TENM2: variants seen among roughly 807,000 people sequenced by gnomAD.
TENM2 encodes the protein teneurin-2.
In TENM2, 52 loss-of-function variants were observed where a neutral mutation model predicts 245.2. That is an observed-to-expected ratio of 0.21 (90% CI 0.17 to 0.27). The LOEUF (loss-of-function observed/expected upper bound fraction) is 0.27. Ranked by LOEUF, TENM2 falls within the 10% of genes least tolerant of loss-of-function variation. The probability of loss-of-function intolerance (pLI) is 1.00; values close to 1 mark genes in which losing one functional copy is unlikely to be tolerated. For synonymous variants in TENM2, 1,363 were observed against 1,438.9 expected (o/e 0.95, Z 1.19); for missense variants, 3,046 against 3,666.8 (o/e 0.83, Z 4.37).
At chr5:167,735,877 T>C (rs1760761287) in intron 2 of TENM2, among the ~76,000 whole-genome samples, 1 of 152,170 alleles carries the variant, frequency 6.6e-6, no homozygotes, top group African/African-American at 2.4e-5. Flanking sequence ...CCAGCCATGA[T>C]TCACTGTACA....
At chr5:167,321,686 A>G (rs1038440167) in intron 1 of TENM2, among the ~76,000 whole-genome samples, 13 of 150,768 alleles carry the variant, frequency 8.6e-5, no homozygotes, top group Admixed American at 8.6e-4. Flanking sequence ...TTCTCTGTAT[A>G]TGAGCTCTAG....
chr5:167,176,010 G>A, the TENM2 span, among the ~76,000 whole-genome samples: 1 of 152,122 alleles, frequency 6.6e-6, no homozygotes, highest in South Asian at 2.1e-4. Context: ...ATGCCCAGCT[G>A]TATCTGTGGT....
chr5:167,799,449 G>A lies in TENM2; in HGVS notation c.503-76537G>A, dbSNP rs1057214796. On this transcript the variant is annotated intron_variant, in intron 2 of 28. Transcript: ENST00000518659. ...TTATGGCAGATACTTTTACTTTTCT[G>A]GTGATGACATAAATGTCTTTTAAAA... is the stretch of plus-strand genomic sequence containing the variant. Among the ~76,000 whole-genome samples, 3 of 152,218 alleles carry A rather than the reference G, an allele frequency of 2.0e-5. No individual in the cohort carries two copies. The East Asian group carries it at 5.8e-4, about 29-fold the overall frequency.
At chr5:168,054,257 G>T (rs754978792) in intron 6 of TENM2, among the ~76,000 whole-genome samples, 1 of 152,180 alleles carries the variant, frequency 6.6e-6, no homozygotes, top group Non-Finnish European at 1.5e-5. Flanking sequence ...GGATGTAATT[G>T]CATTCCTAAA....
intron 2 of TENM2, among the ~76,000 whole-genome samples, chr5:167,872,541 AAAGAAAGAGAAAGAAAGAAAGAAAG>A (rs1773044105): frequency 1.9e-5 from 1 of 52,666 alleles, no homozygotes; most frequent in Admixed American, 1.6e-4. Flanking sequence ...AGAAAGAAAG[AAAGAAAGAGAAAGAAAGAAAGAAAG>A]AAAGAAAGAA....
intron 4 of TENM2, among the ~76,000 whole-genome samples, chr5:167,980,485 G>A (rs1782753809): frequency 6.6e-6 from 1 of 152,136 alleles, no homozygotes; most frequent in Non-Finnish European, 1.5e-5. Context: ...ACCTGGACAT[G>A]GGGAGGAGCT....
intron 2 of TENM2, among the ~76,000 whole-genome samples, chr5:167,574,722 A>G (rs1433505903): frequency 1.3e-5 from 2 of 151,986 alleles, no homozygotes; most frequent in Non-Finnish European, 2.9e-5. Flanking sequence ...TGTTTGATAA[A>G]CCTTTCTGGA....
intron 1 of TENM2, among the ~76,000 whole-genome samples, chr5:167,373,963 C>T (rs1277325225): frequency 6.6e-6 from 1 of 152,134 alleles, no homozygotes; most frequent in Non-Finnish European, 1.5e-5. Context: ...ATCATGAGTT[C>T]CCCCTATAGG....
chr5:167,288,001 G>T (rs1754392107), intron 1 of TENM2, among the ~76,000 whole-genome samples: 1 of 152,290 alleles, frequency 6.6e-6, no homozygotes, highest in East Asian at 1.9e-4. Flanking sequence ...CTGTGAAATA[G>T]ATGCCACTTT....
At chr5:167,579,467 A>G (rs1716668903) in intron 2 of TENM2, among the ~76,000 whole-genome samples, 1 of 152,212 alleles carries the variant, frequency 6.6e-6, no homozygotes, top group African/African-American at 2.4e-5. Context: ...GGCACCAACC[A>G]CATTTTGATG....
At chr5:167,710,208 T>C (rs930452244) in intron 2 of TENM2, among the ~76,000 whole-genome samples, 5 of 152,220 alleles carry the variant, frequency 3.3e-5, no homozygotes, top group African/African-American at 1.2e-4. Context: ...GTGGTATGTG[T>C]GTGTATACAT....
intron 2 of TENM2, among the ~76,000 whole-genome samples, chr5:167,694,688 G>A (rs1470150056): frequency 3.9e-5 from 6 of 151,988 alleles, no homozygotes; most frequent in Non-Finnish European, 5.9e-5. Flanking sequence ...CCATCCTTTT[G>A]AGAATCGGGC....
the TENM2 span, among the ~76,000 whole-genome samples, chr5:167,091,113 T>C: frequency 6.6e-6 from 1 of 152,148 alleles, no homozygotes; most frequent in Non-Finnish European, 1.5e-5. Context: ...CTGGGGTTTT[T>C]TTTGTGAATT....
At chr5:167,318,506 T>G in intron 1 of TENM2, among the ~76,000 whole-genome samples, 1 of 152,152 alleles carries the variant, frequency 6.6e-6, no homozygotes, top group East Asian at 1.9e-4. Flanking sequence ...TATAACTATC[T>G]CAGTGATTAA....
At chr5:167,967,961 C>A (rs561667071) in intron 4 of TENM2, among the ~76,000 whole-genome samples, 4 of 152,272 alleles carry the variant, frequency 2.6e-5, no homozygotes, top group African/African-American at 9.6e-5. Flanking sequence ...CTTTTCTTTT[C>A]GCAGAAGCCA....
At chr5:167,648,863 CT>C (rs1330890473) in intron 2 of TENM2, among the ~76,000 whole-genome samples, 1 of 152,200 alleles carries the variant, frequency 6.6e-6, no homozygotes, top group Non-Finnish European at 1.5e-5. Context: ...TTCTGAGGAA[CT>C]TTCAGGCAAC....
chr5:167,706,336 T>C (rs1160525888), intron 2 of TENM2, among the ~76,000 whole-genome samples: 1 of 147,432 alleles, frequency 6.8e-6, no homozygotes, highest in African/African-American at 2.5e-5. Flanking sequence ...TATTAGAAAA[T>C]GTGATACAGT....
intron 2 of TENM2, among the ~76,000 whole-genome samples, chr5:167,401,883 A>T (rs1352433915): frequency 6.6e-6 from 1 of 152,084 alleles, no homozygotes; most frequent in African/African-American, 2.4e-5. Context: ...GACAGAGGAG[A>T]AAGGAAGGTG....
At chr5:168,081,902 A>G (rs1342550354) in intron 7 of TENM2, among the ~76,000 whole-genome samples, 1 of 152,084 alleles carries the variant, frequency 6.6e-6, no homozygotes, top group Non-Finnish European at 1.5e-5. Flanking sequence ...TCTGACAATT[A>G]TGTGTCTTGG....
Sources: gnomAD v4.1 joint callset for allele counts (sites outside exome capture counted in the v4.1 genomes callset) on GRCh38, gnomAD v4.1.1 for gene constraint, MANE v1.5 for transcripts, NCBI Gene and HGNC (gene_info 2026-07-23, HGNC 2026-07-21) for gene names.